Variants in TASP1 observed in about 807,000 individuals in gnomAD.
The protein encoded by TASP1 is taspase 1.
TASP1 carries 16 observed loss-of-function variants against 56.6 expected under a neutral mutation model. That is an observed-to-expected ratio of 0.28 (90% CI 0.19 to 0.43). The LOEUF (loss-of-function observed/expected upper bound fraction) is 0.43, where lower values mean the gene tolerates loss of function less well. Ranked by LOEUF, TASP1 falls within the 20% of genes least tolerant of loss-of-function variation. The pLI is 1.00. For synonymous variants in TASP1, 179 were observed against 184.2 expected, an observed-to-expected ratio of 0.97 and a Z score of 0.23; for missense variants, 393 against 511.6, an observed-to-expected ratio of 0.77 and a Z score of 2.24.
At chr20:13,301,275 G>A in the TASP1 span, among the ~76,000 whole-genome samples, 2 of 151,870 alleles carry the variant, frequency 1.3e-5, no homozygotes, top group Non-Finnish European at 2.9e-5. Flanking sequence ...CACAACTTCC[G>A]CCTCCTGAGT....
the TASP1 span, among the ~76,000 whole-genome samples, chr20:13,250,475 CATTG>C: frequency 7.2e-5 from 11 of 152,174 alleles, no homozygotes; most frequent in Non-Finnish European, 1.2e-4. Flanking sequence ...CTTTTGTCCT[CATTG>C]ATTGGGCAAA....
chr20:13,268,233 A>C, the TASP1 span, among the ~76,000 whole-genome samples: 4 of 130,806 alleles, frequency 3.1e-5, no homozygotes, highest in South Asian at 2.4e-4. Flanking sequence ...TCTCTCTTCT[A>C]TTCTTTCTCT....
intron 8 of TASP1, among the ~76,000 whole-genome samples, chr20:13,553,338 T>C (rs1169317238): frequency 6.6e-6 from 1 of 152,168 alleles, no homozygotes; most frequent in Non-Finnish European, 1.5e-5. Context: ...TCAGCTTGCA[T>C]GGTCACTTTA....
At chr20:13,497,691 A>G (rs977344296) in intron 10 of TASP1, among the ~76,000 whole-genome samples, 1 of 152,212 alleles carries the variant, frequency 6.6e-6, no homozygotes, top group Non-Finnish European at 1.5e-5. Flanking sequence ...AATCCTAAGC[A>G]AAAAGAAGAA....
intron 12 of TASP1, among the ~76,000 whole-genome samples, chr20:13,425,301 C>T (rs1472705456): frequency 1.3e-5 from 2 of 152,214 alleles, no homozygotes; most frequent in Non-Finnish European, 2.9e-5. Context: ...CAGGATACTT[C>T]TCTTTCAAAA....
At chr20:13,485,213 G>A (rs2043282135) in intron 10 of TASP1, among the ~76,000 whole-genome samples, 1 of 152,154 alleles carries the variant, frequency 6.6e-6, no homozygotes, top group Admixed American at 6.5e-5. Context: ...CAAATATGCT[G>A]AATAGGTAAA....
In TASP1 at chr20:13,546,384, C is replaced by T. The variant is rs78118551; in HGVS notation, c.676-12243G>A. ...CTAATAATCCAAAAAGGATATTTTA[C>T]AAACCTCAACACTTCTTCACAGAAA... is the stretch of plus-strand genomic sequence containing the variant. On this transcript the variant is annotated intron_variant, in intron 8 of 13. Transcript: ENST00000337743. Among the ~76,000 whole-genome samples the T allele has an allele frequency of 5.3e-5, 8 of 152,218 alleles. No homozygotes were observed. In the East Asian group the frequency reaches 1.5e-3, roughly 29 times the overall value.
intron 8 of TASP1, among the ~76,000 whole-genome samples, chr20:13,554,458 GC>G (rs763631280): frequency 3.3e-5 from 5 of 151,864 alleles, no homozygotes; most frequent in African/African-American, 4.8e-5. Context: ...AAGTCTTCTG[GC>G]TTTAATTTGT....
At chr20:13,635,576 C>A (rs2049275276) in intron 1 of TASP1, among the ~76,000 whole-genome samples, 1 of 151,938 alleles carries the variant, frequency 6.6e-6, no homozygotes, top group Non-Finnish European at 1.5e-5. Flanking sequence ...TTAGTAGAGA[C>A]AGGAATTCAC....
chr20:13,520,193 C>G (rs1216433403), intron 10 of TASP1, among the ~76,000 whole-genome samples: 6 of 152,162 alleles, frequency 3.9e-5, no homozygotes, highest in Non-Finnish European at 8.8e-5. Context: ...AATGGCCATA[C>G]TGTCCAAGGT....
chr20:13,269,645 T>C, the TASP1 span, among the ~76,000 whole-genome samples: 4 of 152,178 alleles, frequency 2.6e-5, no homozygotes, highest in African/African-American at 9.6e-5. Flanking sequence ...GGGTGCCACC[T>C]TCTCTTGTTA....
the TASP1 span, among the ~76,000 whole-genome samples, chr20:13,200,788 C>T: frequency 6.6e-6 from 1 of 152,242 alleles, no homozygotes; most frequent in East Asian, 1.9e-4. Context: ...AAGGCAGCTT[C>T]CTGCCTTCCC....
chr20:13,296,704 G>A, the TASP1 span, among the ~76,000 whole-genome samples: 1 of 152,136 alleles, frequency 6.6e-6, no homozygotes, highest in Non-Finnish European at 1.5e-5. Flanking sequence ...AAGGAGAGAA[G>A]CTTAATCAAA....
intron 5 of TASP1, among the ~76,000 whole-genome samples, chr20:13,585,858 G>A (rs577231074): frequency 1.3e-5 from 2 of 152,290 alleles, no homozygotes; most frequent in South Asian, 4.1e-4. Flanking sequence ...TACGTGGCCA[G>A]GCACAGTGGC....
At chr20:13,233,438 A>T in the TASP1 span, among the ~76,000 whole-genome samples, 1 of 151,960 alleles carries the variant, frequency 6.6e-6, no homozygotes, top group Non-Finnish European at 1.5e-5. Flanking sequence ...TCTACTGACA[A>T]TACAAAATTA....
At chr20:13,529,708 A>G (rs117234148) in intron 9 of TASP1, among the ~76,000 whole-genome samples, 11 of 152,334 alleles carry the variant, frequency 7.2e-5, no homozygotes, top group Non-Finnish European at 1.5e-4. Context: ...AGATACTCCC[A>G]TAAAGCAGTA....
Position 13,419,732 on chromosome 20 carries a change from TG to T in TASP1, c.1097-2212del, listed in dbSNP as rs377076481. Among the ~76,000 whole-genome samples the T allele has an allele frequency of 1.2e-4, 18 of 152,234 alleles. No homozygotes were observed. The South Asian group carries it at 3.7e-3, about 32-fold the overall frequency. ...GCCTCTGAAGGCTTTGCCAGACATGTGGGGAAGAAAGAGGCAGTAAGGGGCA... is the reference window on the plus strand; with the variant it reads ...GCCTCTGAAGGCTTTGCCAGACATGTGGGAAGAAAGAGGCAGTAAGGGGCA... On this transcript the variant is annotated intron_variant, in intron 12 of 13. Coordinates refer to ENST00000337743, the MANE Select transcript of TASP1 (RefSeq NM_017714.3).
chr20:13,361,451 A>G, the TASP1 span, among the ~76,000 whole-genome samples: 1 of 152,204 alleles, frequency 6.6e-6, no homozygotes, highest in African/African-American at 2.4e-5. Context: ...TCTTCAAGAA[A>G]AGTAGAATGG....
the TASP1 span, among the ~76,000 whole-genome samples, chr20:13,316,811 A>G: frequency 1.8e-4 from 27 of 152,050 alleles, 1 homozygote; most frequent in African/African-American, 5.1e-4. Context: ...GAAAACCTAC[A>G]AAACACCCGA....
Sources: gnomAD v4.1 joint callset for allele counts (sites outside exome capture counted in the v4.1 genomes callset) on GRCh38, gnomAD v4.1.1 for gene constraint, MANE v1.5 for transcripts, NCBI Gene and HGNC (gene_info 2026-07-23, HGNC 2026-07-21) for gene names.